The following KDR variants were observed in gnomAD, a reference collection of about 807,000 sequenced individuals.
KDR encodes vascular endothelial growth factor receptor 2.
KDR carries 43 observed loss-of-function variants against 160.9 expected under a neutral mutation model. The ratio of observed to expected loss-of-function variants is 0.27; its 90% confidence interval spans 0.21 to 0.34. KDR has a LOEUF of 0.34. Ranked by LOEUF, KDR falls within the 10% of genes least tolerant of loss-of-function variation. The probability of loss-of-function intolerance (pLI) is 1.00; values close to 1 mark genes in which losing one functional copy is unlikely to be tolerated. For missense variants in KDR, 1,469 were observed against 1,666.4 expected (o/e 0.88, Z 2.06); for synonymous variants, 617 against 600.1 (o/e 1.03, Z -0.41).
chr4:55,079,750 A>T lies in KDR; in HGVS notation c.*191T>A, dbSNP rs1719681778. On this transcript the variant is annotated 3_prime_UTR_variant, in exon 30 of 30. Transcript: ENST00000263923. Reference sequence around the variant, plus strand: ...GTCAACACTGGGAGAAGACACAGACACATTCTTGGGTCACAAGCCTCTTCC... The same window carrying T: ...GTCAACACTGGGAGAAGACACAGACTCATTCTTGGGTCACAAGCCTCTTCC... 1.3e-5 allele frequency: 8 copies of T among 633,306 alleles called. No individual in the cohort carries two copies. Among genetic ancestry groups the T allele is most frequent in the Non-Finnish European group, 2.3e-5 (8 of 353,746 alleles). The allele number at this position is 633,306 out of a possible 1,614,324, so 39.2% of individuals were successfully genotyped here.
intron 7 of KDR, among the ~76,000 whole-genome samples, chr4:55,112,664 G>C (rs944361194): frequency 2.6e-5 from 4 of 151,818 alleles, no homozygotes; most frequent in Non-Finnish European, 5.9e-5. Flanking sequence ...GAGTAGCTGG[G>C]ATTACAAGCT....
intron 20 of KDR, among the ~76,000 whole-genome samples, chr4:55,095,305 G>A (rs909297784): frequency 6.6e-6 from 1 of 152,126 alleles, no homozygotes; most frequent in African/African-American, 2.4e-5. Flanking sequence ...ACCCAGAGAT[G>A]TCCTACCCTC....
rs115915098 is a variant in KDR at position 55,123,795 on chromosome 4, C to T, written c.67+1432G>A. On this transcript the variant is annotated intron_variant, in intron 1 of 29. Coordinates refer to ENST00000263923, the MANE Select transcript of KDR (RefSeq NM_002253.4). ...CACTGTTACCCTTCCAGCTCAAAGA[C>T]GGGAAGGAAAAACAACAGTGCCTCT... is the stretch of plus-strand genomic sequence containing the variant. Among the ~76,000 whole-genome samples, 1,357 of 152,182 alleles carry T rather than the reference C, an allele frequency of 8.9e-3. 17 individuals are homozygous for T. The highest frequency in any genetic ancestry group is 0.031 in the African/African-American group (1,292 of 41,512).
Position 55,097,918 on chromosome 4 carries a change from A to G in KDR, c.2510-152T>C, listed in dbSNP as rs1720203294. ...TCCTTTGTCCTGGCTTAATTATTTA[A>G]TAACTCCCCCTTCACTCTCCAAATG... is the stretch of plus-strand genomic sequence containing the variant. On this transcript the variant is annotated intron_variant, in intron 17 of 29. Transcript: ENST00000263923. 3.6e-6 allele frequency: 3 copies of G among 841,974 alleles called. No homozygotes were observed. The South Asian group carries it at 4.4e-5, about 12-fold the overall frequency. The allele number at this position is 841,974 out of a possible 1,614,324, so 52.2% of individuals were successfully genotyped here. A position where few individuals can be genotyped will look rare whatever the true frequency, so the allele number is the denominator to read the frequency against.
chr4:55,115,532 CA>C, intron 3 of KDR, 121 bp from the exon 4 acceptor site: 1 of 655,870 alleles, frequency 1.5e-6, no homozygotes, highest in Non-Finnish European at 2.8e-6. Context: ...CTCACACAAC[CA>C]AAGGCATCCA....
chr4:55,101,585 C>T (rs1017201013), intron 15 of KDR, among the ~76,000 whole-genome samples: 16 of 152,066 alleles, frequency 1.1e-4, no homozygotes, highest in Admixed American at 8.5e-4. Flanking sequence ...TTTGCTGCAC[C>T]TATTAATCCA....
intron 10 of KDR, 138 bp from the exon 11 acceptor site, chr4:55,106,948 G>C: frequency 1.3e-6 from 1 of 767,600 alleles, no homozygotes; most frequent in Non-Finnish European, 2.3e-6. Flanking sequence ...TACAAGACTT[G>C]GCGCCAATTA....
intron 10 of KDR, among the ~76,000 whole-genome samples, chr4:55,107,494 G>C (rs1490958697): frequency 6.6e-6 from 1 of 152,142 alleles, no homozygotes; most frequent in Admixed American, 6.5e-5. Context: ...CCTGTGTTTG[G>C]AGAAGTGTAC....
intron 21 of KDR, among the ~76,000 whole-genome samples, chr4:55,093,918 G>A (rs530215632): frequency 4.9e-4 from 74 of 152,286 alleles, no homozygotes; most frequent in African/African-American, 1.7e-3. Flanking sequence ...ATATCACTCA[G>A]GCCAGGCACG....
chr4:55,125,182 C>T, intron 1 of KDR, 45 bp downstream of exon 1: 1 of 1,573,786 alleles, frequency 6.4e-7, no homozygotes, highest in Non-Finnish European at 8.7e-7. Flanking sequence ...CCTCTCCGCC[C>T]TCACCCGACC....
At chr4:55,091,149 G>A (rs13127286) in intron 22 of KDR, among the ~76,000 whole-genome samples, 35,206 of 151,928 alleles carry the variant, frequency 0.23, 4,097 homozygotes, top group East Asian at 0.3. Flanking sequence ...CAACACACCT[G>A]GCCAAAAGGA....
chr4:55,089,402 T>C lies in KDR; in HGVS notation c.3376A>G (p.Arg1126Gly). Residue 1126 changes from arginine (R) to glycine (G), a missense_variant, in exon 25 of 30, where the codon AGG becomes GGG. Arg to Gly is a moderately radical substitution (Grantham distance 125). Transcript: ENST00000263923. ...TCTGGTGTAGTATAATCAGGGGCCCTCATTCTAGTTCCTTCTTTCAATCGC... is the reference window on the plus strand; with the variant it reads ...TCTGGTGTAGTATAATCAGGGGCCCCCATTCTAGTTCCTTCTTTCAATCGC... ...CRRLKEGTRM[R>G]APDYTTPEMY... The C allele has an allele frequency of 1.2e-6, 2 of 1,612,040 alleles. No individual in the cohort carries two copies. The highest frequency in any genetic ancestry group is 1.7e-6 in the Non-Finnish European group (2 of 1,178,390).
chr4:55,098,726 G>A lies in KDR; in HGVS notation c.2344C>T (p.Leu782Phe), dbSNP rs769138106. 5.0e-6 allele frequency: 8 copies of A among 1,613,158 alleles called. No individual in the cohort carries two copies. Among genetic ancestry groups the A allele is most frequent in the Middle Eastern group, 1.6e-4 (1 of 6,078 alleles). Residue 782 changes from leucine to phenylalanine, a missense_variant, in exon 16 of 30, where the codon CTT becomes TTT. Leu to Phe is a conservative substitution (Grantham distance 22). This residue lies in a region of KDR where 118 missense variants were observed against 110.8 expected (regional missense o/e 1.06). Transcript: ENST00000263923. ...AVIAMFFWLL[L>F]VIILRTVKRA... The stretch of plus-strand genomic sequence containing the variant: ...TTAACGGTCCGTAGGATGATGACAA[G>A]AAGTAGCCAGAAGAACATGGCAATC...
At chr4:55,087,528 T>G (rs1719892452) in intron 27 of KDR, 79 bp downstream of exon 27, 1 of 1,324,364 alleles carries the variant, frequency 7.6e-7, no homozygotes. Context: ...AGACAAGGTC[T>G]TCCTTCCACT....
chr4:55,119,336 A>G (rs998887803), intron 2 of KDR, among the ~76,000 whole-genome samples: 1 of 152,260 alleles, frequency 6.6e-6, no homozygotes, highest in African/African-American at 2.4e-5. Context: ...CTTTCTTTCA[A>G]CAAATATCTA....
chr4:55,097,659 T>TA lies in KDR; in HGVS notation c.2614+2dup. On this transcript the variant is annotated splice_region_variant and intron_variant, in intron 18 of 29. Transcript: ENST00000263923. Reference sequence around the variant, plus strand: ...ATAGATCACCACATAATTTTGCTTTTACCTTTCAACATTTTGACTGCTACT... The same window carrying TA: ...ATAGATCACCACATAATTTTGCTTTTAACCTTTCAACATTTTGACTGCTACT... 1 of 1,603,220 alleles carries TA rather than the reference T, an allele frequency of 6.2e-7. No individual in the cohort carries two copies. Among genetic ancestry groups the TA allele is most frequent in the Non-Finnish European group, 8.5e-7 (1 of 1,170,326 alleles).
Position 55,125,408 on chromosome 4 carries a change from C to T in KDR, c.-115G>A. The T allele has an allele frequency of 7.5e-7, 1 of 1,334,360 alleles. No homozygotes were observed. Among genetic ancestry groups the T allele is most frequent in the Non-Finnish European group, 1.0e-6 (1 of 962,776 alleles). 82.7% of individuals were successfully genotyped at this position (1,334,360 alleles called of 1,614,324 possible). A position where few individuals can be genotyped will look rare whatever the true frequency, so the allele number is the denominator to read the frequency against. The stretch of plus-strand genomic sequence containing the variant: ...ACTCGCGGCACCCCGCAGCGCAGGA[C>T]AGTTGAGCGCACAGGGCTAGGGAGC... On this transcript the variant is annotated 5_prime_UTR_variant, in exon 1 of 30. Coordinates refer to ENST00000263923, the MANE Select transcript of KDR (RefSeq NM_002253.4).
intron 3 of KDR, among the ~76,000 whole-genome samples, chr4:55,117,054 C>T (rs1046666180): frequency 6.6e-6 from 1 of 152,172 alleles, no homozygotes; most frequent in African/African-American, 2.4e-5. Flanking sequence ...CTTTCATCCA[C>T]ATGTTATGAA....
chr4:55,116,124 T>C (rs1720730649), intron 3 of KDR, among the ~76,000 whole-genome samples: 1 of 152,148 alleles, frequency 6.6e-6, no homozygotes, highest in Admixed American at 6.5e-5. Context: ...AGAAGAAAAC[T>C]GAAGAGATTC....
Sources: allele counts gnomAD v4.1 joint callset (sites outside exome capture counted in the v4.1 genomes callset), GRCh38; gene constraint gnomAD v4.1.1; regional missense constraint gnomAD v4.1.1; transcripts MANE v1.5; gene names NCBI Gene and HGNC (gene_info 2026-07-23, HGNC 2026-07-21).